Variants in C3orf18 observed in about 807,000 individuals in gnomAD.
The protein encoded by C3orf18 is chromosome 3 open reading frame 18.
In C3orf18, 12 loss-of-function variants were observed where a neutral mutation model predicts 14.1. The ratio of observed to expected loss-of-function variants is 0.85; its 90% CI spans 0.55 to 1.38. C3orf18 has a LOEUF of 1.38. Among genes scored for constraint, C3orf18 ranks in the 40% most tolerant of loss-of-function variants. The pLI, the probability that C3orf18 is intolerant of heterozygous loss-of-function variation, is 0.00. For missense variants in C3orf18, 196 were observed against 213.9 expected, an observed-to-expected ratio of 0.92 and a Z score of 0.52; for synonymous variants, 82 against 87.9, an observed-to-expected ratio of 0.93 and a Z score of 0.38.
chr3:50,566,547 CA>C (rs1322822021), intron 1 of C3orf18, among the ~76,000 whole-genome samples: 1 of 152,136 alleles, frequency 6.6e-6, no homozygotes, highest in Non-Finnish European at 1.5e-5. Context: ...AACCCAGTCA[CA>C]AAGGGGAGCC....
upstream of C3orf18, chr3:50,569,652 T>C (rs902376310): frequency 1.4e-4 from 21 of 152,384 alleles, no homozygotes; most frequent in Admixed American, 6.5e-4. Context: ...CCATTCTCCA[T>C]AGTGCAGATG....
chr3:50,572,026 C>T, upstream of C3orf18: 1 of 1,582,622 alleles, frequency 6.3e-7, no homozygotes, highest in Non-Finnish European at 8.6e-7. Context: ...TTGCCTGATA[C>T]CTTTGGCCAC....
intron 3 of C3orf18, among the ~76,000 whole-genome samples, chr3:50,562,067 T>C (rs1700009960): frequency 6.6e-6 from 1 of 152,160 alleles, no homozygotes. Flanking sequence ...ACCCGGCTAA[T>C]TTTTGTATTT....
chr3:50,559,103 C>T lies in C3orf18; in HGVS notation c.*554G>A, dbSNP rs1037176267. 2 of 1,289,838 alleles carry T rather than the reference C, an allele frequency of 1.6e-6. No individual in the cohort carries two copies. The highest frequency in any genetic ancestry group is 2.0e-6 in the Non-Finnish European group (2 of 988,868). The allele number at this position is 1,289,838 out of a possible 1,614,324, so 79.9% of individuals were successfully genotyped here. On this transcript the variant is annotated 3_prime_UTR_variant, in exon 6 of 6. Transcript: ENST00000357203. ...ATGGATGGACCCTGGGTGTGAATTGCCCTTCTCCTGGCATCCTTGCATACT... is the reference window on the plus strand; with the variant it reads ...ATGGATGGACCCTGGGTGTGAATTGTCCTTCTCCTGGCATCCTTGCATACT...
intron 5 of C3orf18, 82 bp downstream of exon 5, chr3:50,560,835 A>C (rs1559435933): frequency 1.4e-6 from 2 of 1,434,084 alleles, no homozygotes; most frequent in Non-Finnish European, 1.9e-6. Context: ...AGGTGCTAGA[A>C]AGCTGCATGA....
upstream of C3orf18, chr3:50,571,575 C>A: frequency 1.2e-6 from 1 of 856,980 alleles, no homozygotes; most frequent in Non-Finnish European, 2.0e-6. Context: ...AGGCAGGATG[C>A]TGCCCCCTCT....
At chr3:50,571,804 G>A, upstream of C3orf18, 1 of 1,613,328 alleles carries the variant, frequency 6.2e-7, no homozygotes, top group Non-Finnish European at 8.5e-7. Context: ...TTGCAGAGGT[G>A]AGCACCCATG....
chr3:50,565,620 G>A lies in C3orf18; in HGVS notation c.80C>T (p.Thr27Ile), dbSNP rs766488092. ...PTSESDLEPA[T>I]DGPASETTTL... ...AGTGGTCTCGGAGGCTGGCCCATCT[G>A]TGGCAGGTTCCAGGTCAGACTCAGA... Residue 27 changes from threonine (T) to isoleucine (I), a missense_variant, in exon 3 of 6, where the codon ACA becomes ATA. Physicochemically the swap from Thr to Ile is moderately conservative, Grantham distance 89. Coordinates refer to ENST00000357203, the MANE Select transcript of C3orf18 (RefSeq NM_016210.5). This position sits in a 1 kb window ranked among gnomAD's most constrained non-coding sequence, Gnocchi z 4.4. 1.1e-5 allele frequency: 18 copies of A among 1,613,710 alleles called. No individual in the cohort carries two copies. In the Admixed American group the frequency reaches 2.8e-4, roughly 25 times the overall value.
chr3:50,573,296 T>C (rs892046586), upstream of C3orf18, among the ~76,000 whole-genome samples: 2 of 152,196 alleles, frequency 1.3e-5, no homozygotes, highest in African/African-American at 4.8e-5. Context: ...CATCTGGGAT[T>C]GGCATGACCT....
Position 50,565,269 on chromosome 3 carries a change from A to G in C3orf18, c.234+197T>C. On this transcript the variant is annotated intron_variant, in intron 3 of 5. Coordinates refer to ENST00000357203, the MANE Select transcript of C3orf18 (RefSeq NM_016210.5). This position sits in a 1 kb window ranked among gnomAD's most constrained non-coding sequence, Gnocchi z 4.4. The stretch of plus-strand genomic sequence containing the variant: ...GTAATCCCAGCTACTTGGGAGGCTG[A>G]GGCAGGAGACTCGATTAAGCCCCAG... 2 of 570,230 alleles carry G rather than the reference A, an allele frequency of 3.5e-6. No homozygotes were observed. Among genetic ancestry groups the G allele is most frequent in the Non-Finnish European group, 6.3e-6 (2 of 319,292 alleles). 35.3% of individuals were successfully genotyped at this position (570,230 alleles called of 1,614,324 possible). A position where few individuals can be genotyped will look rare whatever the true frequency, so the allele number is the denominator to read the frequency against.
At chr3:50,572,971 T>C (rs2107412166), upstream of C3orf18, among the ~76,000 whole-genome samples, 1 of 152,324 alleles carries the variant, frequency 6.6e-6, no homozygotes, top group East Asian at 1.9e-4. Flanking sequence ...GGAGTGTTTC[T>C]AGAAAGACCT....
upstream of C3orf18, among the ~76,000 whole-genome samples, chr3:50,573,233 C>T (rs537322909): frequency 3.9e-5 from 6 of 152,292 alleles, no homozygotes; most frequent in South Asian, 6.2e-4. Context: ...GGGGGCAGCA[C>T]GTGGACTTCC....
upstream of C3orf18, chr3:50,572,347 C>CT (rs1196203890): frequency 1.2e-6 from 1 of 848,284 alleles, no homozygotes; most frequent in Non-Finnish European, 1.8e-6. Flanking sequence ...TATTTCCTCT[C>CT]TGACTGTGTT....
chr3:50,562,619 C>A (rs746754887), intron 3 of C3orf18: 31 of 451,980 alleles, frequency 6.9e-5, no homozygotes, highest in Non-Finnish European at 1.0e-4. Flanking sequence ...CAGAGACAGG[C>A]AGTGGCCAGA....
intron 3 of C3orf18, among the ~76,000 whole-genome samples, chr3:50,563,876 G>C (rs1004923941): frequency 1.3e-5 from 2 of 152,242 alleles, no homozygotes; most frequent in Non-Finnish European, 2.9e-5. Context: ...AAAGTAACGA[G>C]GGCAGTTTCT....
In C3orf18 at chr3:50,567,198, A is replaced by C. The variant is rs115179222; in HGVS notation, c.-252+265T>G. On this transcript the variant is annotated intron_variant, in intron 1 of 5. Coordinates refer to ENST00000357203, the MANE Select transcript of C3orf18 (RefSeq NM_016210.5). ...GATCCCGGGCGTGACCTTGGGCCAA[A>C]CCCTTAACTCGTGCCCTGGGGCTCT... Among the ~76,000 whole-genome samples the C allele has an allele frequency of 2.7e-3, 414 of 152,228 alleles. 1 individual carries two copies. Among genetic ancestry groups the C allele is most frequent in the African/African-American group, 9.5e-3 (396 of 41,546 alleles).
chr3:50,559,574 T>G lies in C3orf18; in HGVS notation c.*83A>C. The G allele has an allele frequency of 4.1e-6, 6 of 1,452,700 alleles. No homozygotes were observed. Among genetic ancestry groups the G allele is most frequent in the Non-Finnish European group, 5.5e-6 (6 of 1,096,336 alleles). The allele number at this position is 1,452,700 out of a possible 1,614,324, so 90.0% of individuals were successfully genotyped here. A position where few individuals can be genotyped will look rare whatever the true frequency, so the allele number is the denominator to read the frequency against. ...GTCTTGGCAGGGAAGATCTTCAGAG[T>G]AGGTCTTGACAATCAGGGAGTGGGG... is the stretch of plus-strand genomic sequence containing the variant. On this transcript the variant is annotated 3_prime_UTR_variant, in exon 6 of 6. Transcript: ENST00000357203.
chr3:50,568,634 G>A (rs1700536989), upstream of C3orf18, among the ~76,000 whole-genome samples: 1 of 147,306 alleles, frequency 6.8e-6, no homozygotes, highest in Non-Finnish European at 1.5e-5. Flanking sequence ...GCTGAGGCAG[G>A]AGAATGGCTT....
In C3orf18 at chr3:50,560,302, G is replaced by A. The variant is rs543966516; in HGVS notation, c.409-565C>T. Among the ~76,000 whole-genome samples the A allele has an allele frequency of 2.6e-5, 4 of 152,334 alleles. No individual in the cohort carries two copies. In the South Asian group the frequency reaches 8.3e-4, roughly 32 times the overall value. On this transcript the variant is annotated intron_variant, in intron 5 of 5. Coordinates refer to ENST00000357203, the MANE Select transcript of C3orf18 (RefSeq NM_016210.5). ...GGTGCTCTGGCCCTTGGGGATTTGG[G>A]GAAATGGTGGCAAGTGGTCAGGCAG...
Sources: allele counts gnomAD v4.1 joint callset (sites outside exome capture counted in the v4.1 genomes callset), GRCh38; gene constraint gnomAD v4.1.1; non-coding constraint Gnocchi (gnomAD v3.1); transcripts MANE v1.5; gene names NCBI Gene and HGNC (gene_info 2026-07-23, HGNC 2026-07-21).